ANKH: variants seen among roughly 807,000 people sequenced by gnomAD.
The protein encoded by ANKH is ANKH inorganic pyrophosphate transport regulator, also known as mineralization regulator ANKH.
ANKH carries 15 observed loss-of-function variants against 49.0 expected under a neutral mutation model. That is an observed-to-expected ratio of 0.31 (90% CI 0.20 to 0.47). The LOEUF (loss-of-function observed/expected upper bound fraction) is 0.47, where lower values mean the gene tolerates loss of function less well. Among genes scored for constraint, ANKH ranks in the 20% least tolerant of loss-of-function variants. The pLI is 1.00. For missense variants in ANKH, 429 were observed against 652.0 expected (o/e 0.66, Z 3.72); for synonymous variants, 273 against 260.0 (o/e 1.05, Z -0.48).
chr5:14,797,606 T>G (rs1334031686), intron 1 of ANKH: 3 of 1,608,876 alleles, frequency 1.9e-6, no homozygotes, highest in Middle Eastern at 2.2e-4. Context: ...CTGAGTGGCT[T>G]GGTTTGGAAG....
rs141573828 is a variant in ANKH, at chr5:14,814,985, G to A, written c.97-45794C>T. 7.2e-5 allele frequency among the ~76,000 whole-genome samples: 11 copies of A among 152,282 alleles called. No individual in the cohort carries two copies. The East Asian group carries it at 1.7e-3, about 24-fold the overall frequency. Reference sequence around the variant, plus strand: ...ACAGAGTTGGAATGTTTAACAGAGCGTTTGCCCTTCCAGTCTGAGGAATCC... The same window carrying A: ...ACAGAGTTGGAATGTTTAACAGAGCATTTGCCCTTCCAGTCTGAGGAATCC... On this transcript the variant is annotated intron_variant, in intron 1 of 11. Coordinates refer to ENST00000284268, the MANE Select transcript of ANKH (RefSeq NM_054027.6).
At chr5:14,869,657 T>C (rs985150688) in intron 1 of ANKH, 8 of 152,260 alleles carry the variant, frequency 5.3e-5, no homozygotes, top group African/African-American at 1.9e-4. Context: ...TTCAGGAGAT[T>C]CTTTTTCTTA....
chr5:14,797,430 T>C, intron 1 of ANKH: 1 of 1,611,156 alleles, frequency 6.2e-7, no homozygotes, highest in Non-Finnish European at 8.5e-7. Context: ...AGGTGACCAC[T>C]GAACCTGGAA....
intron 1 of ANKH, among the ~76,000 whole-genome samples, chr5:14,820,323 G>A (rs542752988): frequency 6.6e-6 from 1 of 152,124 alleles, no homozygotes; most frequent in East Asian, 1.9e-4. Flanking sequence ...GCTAATACAG[G>A]GGCTTTCTAT....
At chr5:14,722,867 C>A (rs1737711595) in intron 8 of ANKH, among the ~76,000 whole-genome samples, 1 of 151,720 alleles carries the variant, frequency 6.6e-6, no homozygotes, top group Non-Finnish European at 1.5e-5. Flanking sequence ...CAGACATGAC[C>A]CCAGCCATGC....
rs11133795 is a variant in ANKH at position 14,822,600 on chromosome 5, G to A, written c.96+48752C>T. Among the ~76,000 whole-genome samples, 887 of 152,220 alleles carry A rather than the reference G, an allele frequency of 5.8e-3. 12 individuals are homozygous for A. The highest frequency in any genetic ancestry group is 0.02 in the African/African-American group (818 of 41,538). On this transcript the variant is annotated intron_variant, in intron 1 of 11. Transcript: ENST00000284268. ...TGGCCTTCATTTTTCATGACATAGA[G>A]CACACATTCAGAAGCAATGTTAACC...
intron 1 of ANKH, among the ~76,000 whole-genome samples, chr5:14,854,457 A>T (rs1742201765): frequency 6.6e-6 from 1 of 152,174 alleles, no homozygotes; most frequent in Non-Finnish European, 1.5e-5. Context: ...AGGCAGAAGG[A>T]TCTCTTGGGC....
intron 1 of ANKH, among the ~76,000 whole-genome samples, chr5:14,865,775 C>T (rs1735627026): frequency 6.6e-6 from 1 of 152,184 alleles, no homozygotes; most frequent in African/African-American, 2.4e-5. Context: ...CTTCTCCAAG[C>T]TATTTTTCCT....
At chr5:14,845,112 T>G (rs1338846471) in intron 1 of ANKH, among the ~76,000 whole-genome samples, 1 of 152,064 alleles carries the variant, frequency 6.6e-6, no homozygotes, top group African/African-American at 2.4e-5. Flanking sequence ...CACATCCAGA[T>G]TAATGGTGTT....
chr5:14,812,457 T>A (rs192174006), intron 1 of ANKH, among the ~76,000 whole-genome samples: 1 of 152,294 alleles, frequency 6.6e-6, no homozygotes, highest in Admixed American at 6.5e-5. Context: ...GAACACTTCA[T>A]CCCGTAACTA....
At chr5:14,838,801 T>C (rs577802015) in intron 1 of ANKH, among the ~76,000 whole-genome samples, 170 of 152,334 alleles carry the variant, frequency 1.1e-3, no homozygotes, top group Non-Finnish European at 1.8e-3. Flanking sequence ...AAACACTCCG[T>C]GGTGTGAATT....
In ANKH at chr5:14,707,540, G is replaced by A. The variant is rs997556183; in HGVS notation, c.*3657C>T. The A allele has an allele frequency of 1.3e-5, 2 of 152,196 alleles. No homozygotes were observed. Among genetic ancestry groups the A allele is most frequent in the Non-Finnish European group, 2.9e-5 (2 of 68,028 alleles). 9.4% of individuals were successfully genotyped at this position (152,196 alleles called of 1,614,324 possible). ...AGGAGAGAGATCCAGAGGGCTGGGA[G>A]TGAGCACTCCTGAGCTGGCCCCGCT... On this transcript the variant is annotated 3_prime_UTR_variant, in exon 12 of 12. Coordinates refer to ENST00000284268, the MANE Select transcript of ANKH (RefSeq NM_054027.6).
At position 14,741,881 on chromosome 5, in the gene ANKH, G is replaced by A. The variant is rs746359851; in HGVS notation, c.957C>T (p.Val319=). 3.7e-6 allele frequency: 6 copies of A among 1,614,174 alleles called. No individual in the cohort carries two copies. In the South Asian group the frequency reaches 6.6e-5, roughly 18 times the overall value. ...TGAACTTCTTGATGTGGGCTGCCGT[G>A]ACTGTGTTGCTCGTGCTCACCAGTT... ...SNKLVSTSNT[V]TAAHIKKFTF... Residue 319 remains valine (V), a synonymous_variant, in exon 8 of 12, where the codon GTC becomes GTT. Coordinates refer to ENST00000284268, the MANE Select transcript of ANKH (RefSeq NM_054027.6).
chr5:14,871,209 G>T, intron 1 of ANKH, 143 bp downstream of exon 1: 1 of 740,926 alleles, frequency 1.3e-6, no homozygotes, highest in Non-Finnish European at 2.4e-6. Context: ...TGCTGGAAAA[G>T]TCACCCTTGA....
intron 1 of ANKH, among the ~76,000 whole-genome samples, chr5:14,801,047 T>C (rs1158826986): frequency 1.3e-5 from 2 of 152,310 alleles, no homozygotes; most frequent in South Asian, 2.1e-4. Flanking sequence ...TTTATATGCA[T>C]TGGAAAACCA....
intron 1 of ANKH, among the ~76,000 whole-genome samples, chr5:14,775,509 G>A (rs572684335): frequency 3.9e-5 from 6 of 152,290 alleles, no homozygotes; most frequent in African/African-American, 1.4e-4. Flanking sequence ...ACCTGCAGAC[G>A]TGAACCCATG....
At chr5:14,793,608 C>T (rs1054707671) in intron 1 of ANKH, among the ~76,000 whole-genome samples, 5 of 152,162 alleles carry the variant, frequency 3.3e-5, no homozygotes, top group African/African-American at 4.8e-5. Flanking sequence ...GCAGCCAGGC[C>T]GGGAGTCTTG....
intron 1 of ANKH, among the ~76,000 whole-genome samples, chr5:14,796,388 A>G (rs1427579662): frequency 2.6e-5 from 4 of 151,362 alleles, no homozygotes; most frequent in Admixed American, 6.6e-5. Context: ...TCTCAACTTG[A>G]CAATCTACCT....
At chr5:14,870,742 T>G (rs751936769) in intron 1 of ANKH, 1 of 155,002 alleles carries the variant, frequency 6.5e-6, no homozygotes, top group Non-Finnish European at 1.4e-5. Flanking sequence ...TGTGCTCCCC[T>G]TCTTTAGTGG....
Sources: gnomAD v4.1 joint callset for allele counts (sites outside exome capture counted in the v4.1 genomes callset) on GRCh38, gnomAD v4.1.1 for gene constraint, MANE v1.5 for transcripts, NCBI Gene and HGNC (gene_info 2026-07-23, HGNC 2026-07-21) for gene names.